FLYWCH1: variants seen among roughly 807,000 people sequenced by gnomAD.
The protein encoded by FLYWCH1 is FLYWCH-type zinc finger 1.
Under a neutral mutation model 66.4 loss-of-function variants are expected in FLYWCH1, and 75 were observed. The observed-to-expected ratio is 1.13, with a 90% CI of 0.94 to 1.37. The LOEUF (loss-of-function observed/expected upper bound fraction) is 1.37. FLYWCH1 is among the 40% of genes most tolerant of loss of function. The pLI is 0.00. For synonymous variants in FLYWCH1, 595 were observed against 429.9 expected, an observed-to-expected ratio of 1.38 and a Z score of -4.75; for missense variants, 1,334 against 1,001.8, an observed-to-expected ratio of 1.33 and a Z score of -4.48.
At chr16:2,948,119 T>G (rs2037496709) in intron 9 of FLYWCH1, among the ~76,000 whole-genome samples, 3 of 152,196 alleles carry the variant, frequency 2.0e-5, no homozygotes, top group Non-Finnish European at 4.4e-5. Flanking sequence ...GGCCTGTGGC[T>G]TCTAGGGCAC....
chr16:2,930,818 A>G lies in FLYWCH1; in HGVS notation c.734A>G (p.Glu245Gly). The G allele has an allele frequency of 1.2e-6, 2 of 1,602,366 alleles. No individual in the cohort carries two copies. The highest frequency in any genetic ancestry group is 1.3e-5 in the African/African-American group (1 of 74,796). The change falls in exon 4 of 10, where the codon GAG (glutamate) becomes GGG (glycine). Residue 245 changes from glutamate to glycine, a missense_variant. Physicochemically the swap from Glu to Gly is moderately conservative, Grantham distance 98. Transcript: ENST00000253928. ...VLSKPALEEE[E>G]APRALSLLSL... ...AGCAAGCCGGCCCTGGAGGAGGAGGAGGCACCCCGAGCCCTGTCACTGCTG... is the reference window on the plus strand; with the variant it reads ...AGCAAGCCGGCCCTGGAGGAGGAGGGGGCACCCCGAGCCCTGTCACTGCTG...
At chr16:2,947,638 T>G (rs2151032976) in intron 9 of FLYWCH1, among the ~76,000 whole-genome samples, 1 of 152,016 alleles carries the variant, frequency 6.6e-6, no homozygotes, top group Middle Eastern at 3.4e-3. Flanking sequence ...GGCACGCACC[T>G]ATAATCCCAG....
Position 2,930,030 on chromosome 16 carries a change from C to A in FLYWCH1, c.325+20C>A, listed in dbSNP as rs1246549608. The A allele has an allele frequency of 1.3e-6, 2 of 1,586,868 alleles. No individual in the cohort carries two copies. Among genetic ancestry groups the A allele is most frequent in the East Asian group, 4.5e-5 (2 of 44,328 alleles). ...ATGCAGGTGAGGTGTGGCTTCCCGCCCCTGCCCAGCCACCCCGTGGGTTCC... is the reference window on the plus strand; with the variant it reads ...ATGCAGGTGAGGTGTGGCTTCCCGCACCTGCCCAGCCACCCCGTGGGTTCC... On this transcript the variant is annotated intron_variant, in intron 3 of 9. Coordinates refer to ENST00000253928, the MANE Select transcript of FLYWCH1 (RefSeq NM_001308068.2).
Position 2,948,755 on chromosome 16 carries a change from C to T in FLYWCH1, c.*28C>T, listed in dbSNP as rs550709505. 80 of 1,612,996 alleles carry T rather than the reference C, an allele frequency of 5.0e-5. No homozygotes were observed. Among genetic ancestry groups the T allele is most frequent in the Non-Finnish European group, 6.2e-5 (73 of 1,179,116 alleles). On this transcript the variant is annotated 3_prime_UTR_variant, in exon 10 of 10. Transcript: ENST00000253928. ...CGATGTGGGCAGAGGAGCTCCGAGC[C>T]GCCCACCCAAGGTGGCTTCACATCC...
At chr16:2,948,396 T>C (rs903591323) in intron 9 of FLYWCH1, among the ~76,000 whole-genome samples, 6 of 150,726 alleles carry the variant, frequency 4.0e-5, no homozygotes, top group African/African-American at 1.2e-4. Flanking sequence ...CCGTCTCTAA[T>C]AAAATACAAA....
At chr16:2,931,724 C>G (rs1181999518) in intron 4 of FLYWCH1, among the ~76,000 whole-genome samples, 1 of 151,444 alleles carries the variant, frequency 6.6e-6, no homozygotes, top group Non-Finnish European at 1.5e-5. Context: ...AATCTCAGCA[C>G]TTTCGGAGGC....
chr16:2,945,037 C>G lies in FLYWCH1; in HGVS notation c.2112-3651C>G, dbSNP rs186314084. ...TGTGCAGGCCTAGGATAGTGTGTGT[C>G]TTAGTTTTTAAGCAAAAAATTCAAA... On this transcript the variant is annotated intron_variant, in intron 9 of 9. Coordinates refer to ENST00000253928, the MANE Select transcript of FLYWCH1 (RefSeq NM_001308068.2). Among the ~76,000 whole-genome samples, 94 of 151,848 alleles carry G rather than the reference C, an allele frequency of 6.2e-4. 1 individual carries two copies. Among genetic ancestry groups the G allele is most frequent in the African/African-American group, 2.1e-3 (85 of 41,404 alleles).
chr16:2,939,920 G>T (rs1424734530), intron 8 of FLYWCH1, 112 bp from the exon 9 acceptor site: 3 of 1,288,990 alleles, frequency 2.3e-6, no homozygotes, highest in African/African-American at 3.0e-5. Flanking sequence ...TCACCCGGTT[G>T]TCTTTCTCCT....
chr16:2,930,308 G>C (rs1213358383), intron 3 of FLYWCH1, 102 bp from the exon 4 acceptor site: 3 of 718,966 alleles, frequency 4.2e-6, no homozygotes, highest in Non-Finnish European at 6.8e-6. Flanking sequence ...GGAGGAGAAG[G>C]CACCTGCCAT....
rs61747745 is a variant in FLYWCH1 at position 2,933,967 on chromosome 16, C to G, written c.1501C>G (p.Arg501Gly). 2.6e-6 allele frequency: 4 copies of G among 1,537,416 alleles called. No homozygotes were observed. Among genetic ancestry groups the G allele is most frequent in the African/African-American group, 1.4e-5 (1 of 73,006 alleles). ...QREKRPNTAQ[R>G]GSPGGPEFLK... ...GGAGAAACGCCCCAACACGGCGCAGCGGGGGAGCCCAGGTACCTGGGGGTG... is the reference window on the plus strand; with the variant it reads ...GGAGAAACGCCCCAACACGGCGCAGGGGGGGAGCCCAGGTACCTGGGGGTG... Residue 501 changes from arginine to glycine, a missense_variant, in exon 6 of 10, where the codon CGG becomes GGG. Transcript: ENST00000253928.
intron 1 of FLYWCH1, among the ~76,000 whole-genome samples, chr16:2,912,459 C>T (rs1172361849): frequency 6.6e-6 from 1 of 152,198 alleles, no homozygotes; most frequent in East Asian, 1.9e-4. Flanking sequence ...AGCATCAGCC[C>T]CGTCCCACGG....
intron 2 of FLYWCH1, among the ~76,000 whole-genome samples, chr16:2,927,821 C>A (rs1259121748): frequency 6.6e-6 from 1 of 152,202 alleles, no homozygotes; most frequent in Non-Finnish European, 1.5e-5. Context: ...GACACAGAGA[C>A]AAAGTATATA....
intron 9 of FLYWCH1, among the ~76,000 whole-genome samples, chr16:2,945,895 G>A (rs373686335): frequency 1.3e-5 from 2 of 151,900 alleles, no homozygotes; most frequent in Non-Finnish European, 2.9e-5. Flanking sequence ...TACTCGGGAG[G>A]CTGAGGCAGG....
At chr16:2,920,032 G>A (rs779121076) in intron 2 of FLYWCH1, among the ~76,000 whole-genome samples, 5 of 152,274 alleles carry the variant, frequency 3.3e-5, no homozygotes, top group South Asian at 2.1e-4. Context: ...AAAAGCAAGC[G>A]CCTTAAAGGC....
chr16:2,935,350 TTG>T (rs1240487393), intron 6 of FLYWCH1: 1 of 152,380 alleles, frequency 6.6e-6, no homozygotes, highest in Non-Finnish European at 1.5e-5. Context: ...TTGCCTGCTT[TTG>T]TGTGTCCAGG....
At chr16:2,936,981 G>T in intron 6 of FLYWCH1, 140 bp from the exon 7 acceptor site, 1 of 1,046,554 alleles carries the variant, frequency 9.6e-7, no homozygotes. Flanking sequence ...GGGGGATGGT[G>T]GCATCTGTGT....
intron 8 of FLYWCH1, chr16:2,939,710 T>G: frequency 3.5e-6 from 1 of 283,880 alleles, no homozygotes; most frequent in South Asian, 3.9e-5. Flanking sequence ...TACAAGAAAT[T>G]TTTTTGAGAA....
At chr16:2,924,448 C>T (rs562611813) in intron 2 of FLYWCH1, among the ~76,000 whole-genome samples, 1 of 152,206 alleles carries the variant, frequency 6.6e-6, no homozygotes, top group Non-Finnish European at 1.5e-5. Flanking sequence ...TAGGAGTTCC[C>T]CAGTGAACAG....
chr16:2,921,799 C>T (rs2070383916), intron 2 of FLYWCH1, among the ~76,000 whole-genome samples: 1 of 152,088 alleles, frequency 6.6e-6, no homozygotes, highest in African/African-American at 2.4e-5. Context: ...TGTGGTGGCT[C>T]ACACCTGTAA....
Sources: gnomAD v4.1 joint callset for allele counts (sites outside exome capture counted in the v4.1 genomes callset) on GRCh38, gnomAD v4.1.1 for gene constraint, MANE v1.5 for transcripts, NCBI Gene and HGNC (gene_info 2026-07-23, HGNC 2026-07-21) for gene names.